SHANK1: variants seen among roughly 807,000 people sequenced by gnomAD.
SHANK1 encodes the protein SH3 and multiple ankyrin repeat domains 1.
In SHANK1, 35 loss-of-function variants were observed where a neutral mutation model predicts 165.6. The observed-to-expected ratio is 0.21, with a 90% CI of 0.16 to 0.28. SHANK1 has a LOEUF of 0.28. SHANK1 is among the 10% of genes least tolerant of loss of function. The probability of loss-of-function intolerance (pLI) is 1.00; values close to 1 mark genes in which losing one functional copy is unlikely to be tolerated. For missense variants in SHANK1, 2,681 were observed against 3,036.4 expected (o/e 0.88, Z 2.75); for synonymous variants, 1,428 against 1,384.8 (o/e 1.03, Z -0.69).
At chr19:50,710,762 C>G (rs537389296) in intron 8 of SHANK1, among the ~76,000 whole-genome samples, 1 of 152,218 alleles carries the variant, frequency 6.6e-6, no homozygotes, top group South Asian at 2.1e-4. Flanking sequence ...TCAGGGGCCA[C>G]GGGGGCTGCA....
rs747043906 is a variant in SHANK1, at chr19:50,716,324, A to G, written c.410T>C (p.Leu137Pro). Residue 137 changes from leucine to proline, a missense_variant, in exon 3 of 24, where the codon CTG (leucine) becomes CCG (proline). Physicochemically the swap from Leu to Pro is moderately conservative, Grantham distance 98. Around this residue, in one of 10 missense-constraint regions of SHANK1, gnomAD observed 189 missense variants for 440.9 expected, o/e 0.43. Transcript: ENST00000293441. The surrounding 1 kb of genome is among the most constrained non-coding windows in gnomAD (Gnocchi z 8.4). ...RDANFLEEERLLREYPQSFEK... is the reference protein window; with the variant it reads ...RDANFLEEERPLREYPQSFEK... ...AAAGGACTGGGGGTACTCCCGCAGC[A>G]GCCTCTCCTCCTCCAGGAAGTTGGC... is the stretch of plus-strand genomic sequence containing the variant. 1 of 1,614,198 alleles carries G rather than the reference A, an allele frequency of 6.2e-7. No individual in the cohort carries two copies. The highest frequency in any genetic ancestry group is 2.2e-5 in the East Asian group (1 of 44,870).
At chr19:50,680,344 G>A (rs964972360) in intron 21 of SHANK1, among the ~76,000 whole-genome samples, 4 of 152,094 alleles carry the variant, frequency 2.6e-5, no homozygotes, top group South Asian at 2.1e-4. Context: ...GCCCCAGGAG[G>A]GAACCCCAGA....
In SHANK1 at chr19:50,666,387, G is replaced by T. The variant is rs1309155122; in HGVS notation, c.5573C>A (p.Pro1858His). ...TACTGTGGCCAAGGCTGAGGCCTGA[G>T]GCTGGGCCAAGGGCCCGGGCAGAGG... ...PPPLPGPLAQ[P>H]QASALATVKA... The change falls in exon 23 of 24, where the codon CCT (proline) becomes CAT (histidine). Residue 1858 changes from proline (P) to histidine (H), a missense_variant. Transcript: ENST00000293441. 6.2e-7 allele frequency: 1 copy of T among 1,613,524 alleles called. No homozygotes were observed. Among genetic ancestry groups the T allele is most frequent in the South Asian group, 1.1e-5 (1 of 91,068 alleles).
Position 50,668,644 on chromosome 19 carries a change from G to A in SHANK1, c.3316C>T (p.Arg1106Cys), listed in dbSNP as rs1985665709. Reference protein sequence around the residue: ...MYVPARSGRGRKGPLVKQTKV... With the variant: ...MYVPARSGRGCKGPLVKQTKV... ...GTCTGCTTGACCAGCGGGCCCTTGC[G>A]GCCGCGGCCCGAGCGGGCGGGCACG... is the stretch of plus-strand genomic sequence containing the variant. Residue 1106 changes from arginine (R) to cysteine (C), a missense_variant, in exon 23 of 24, where the codon CGC becomes TGC. By Grantham distance (180) the Arg-to-Cys change is radical (BLOSUM62 -3). Transcript: ENST00000293441. 2.2e-6 allele frequency: 3 copies of A among 1,365,668 alleles called. No individual in the cohort carries two copies. Among genetic ancestry groups the A allele is most frequent in the African/African-American group, 1.5e-5 (1 of 65,462 alleles). The allele number at this position is 1,365,668 out of a possible 1,614,324, so 84.6% of individuals were successfully genotyped here.
intron 6 of SHANK1, among the ~76,000 whole-genome samples, chr19:50,712,379 C>G (rs1382591117): frequency 6.6e-6 from 1 of 152,244 alleles, no homozygotes; most frequent in South Asian, 2.1e-4. Context: ...CAGCCTTCCC[C>G]CTGGGGGCGA....
rs967714850 is a variant in SHANK1 at position 50,668,037 on chromosome 19, G to A, written c.3923C>T (p.Ala1308Val). 1.2e-5 allele frequency: 18 copies of A among 1,476,558 alleles called. No individual in the cohort carries two copies. The highest frequency in any genetic ancestry group is 1.5e-5 in the Non-Finnish European group (17 of 1,119,218). The allele number at this position is 1,476,558 out of a possible 1,614,324, so 91.5% of individuals were successfully genotyped here. Reference sequence around the variant, plus strand: ...ACCGGCCCCGTAGCCGCCGTAGCCCGCGCCGCTGCCCGCAGACTCCAGTCG... The same window carrying A: ...ACCGGCCCCGTAGCCGCCGTAGCCCACGCCGCTGCCCGCAGACTCCAGTCG... ...YLRLESAGSG[A>V]GYGGYGAGSR... is the part of the protein sequence containing the mutation. The change falls in exon 23 of 24, where the codon GCG becomes GTG. Residue 1308 changes from alanine (A) to valine (V), a missense_variant. This residue lies in a region of SHANK1 where 1,713 missense variants were observed against 1,630.2 expected (regional missense o/e 1.05). Transcript: ENST00000293441.
Position 50,709,201 on chromosome 19 carries a change from T to TGC in SHANK1, c.1077+2169_1077+2170insGC, listed in dbSNP as rs1332269835. 5.3e-5 allele frequency among the ~76,000 whole-genome samples: 8 copies of TGC among 152,332 alleles called. No homozygotes were observed. The East Asian group carries it at 1.5e-3, about 29-fold the overall frequency. ...TCACCCAGGCTGGAGTGCAGTGGCA[T>TGC]GATCTTGGCTCACTGCAAACTCCGC... is the stretch of plus-strand genomic sequence containing the variant. On this transcript the variant is annotated intron_variant, in intron 8 of 23. Transcript: ENST00000293441.
Position 50,662,821 on chromosome 19 carries a change from G to T in SHANK1, c.5769-139C>A. 1 of 886,958 alleles carries T rather than the reference G, an allele frequency of 1.1e-6. No individual in the cohort carries two copies. 54.9% of individuals were successfully genotyped at this position (886,958 alleles called of 1,614,324 possible). ...AGGGGGAGAGACGGAGGAGAGACGG[G>T]AAGAAATGGAGGGAGCAAGGGGTAA... On this transcript the variant is annotated intron_variant, in intron 23 of 23. Transcript: ENST00000293441. This position sits in a 1 kb window ranked among gnomAD's most constrained non-coding sequence, Gnocchi z 7.7.
chr19:50,688,831 G>A lies in SHANK1; in HGVS notation c.2172+13C>T, dbSNP rs1424074215. On this transcript the variant is annotated intron_variant, in intron 17 of 23. Coordinates refer to ENST00000293441, the MANE Select transcript of SHANK1 (RefSeq NM_016148.5). The surrounding 1 kb of genome is among the most constrained non-coding windows in gnomAD (Gnocchi z 6.7). The stretch of plus-strand genomic sequence containing the variant: ...TCACAGGGTCCCAGGGAAGAGAGGG[G>A]GCCTGGACTGACCTCGATGAGGAAG... 1.2e-6 allele frequency: 2 copies of A among 1,607,494 alleles called. No homozygotes were observed. Among genetic ancestry groups the A allele is most frequent in the African/African-American group, 2.7e-5 (2 of 74,946 alleles).
rs1178527132 is a variant in SHANK1, at chr19:50,702,907, G to A, written c.1554-247C>T. 6.6e-6 allele frequency among the ~76,000 whole-genome samples: 1 copy of A among 152,016 alleles called. No homozygotes were observed. On this transcript the variant is annotated intron_variant, in intron 11 of 23. Coordinates refer to ENST00000293441, the MANE Select transcript of SHANK1 (RefSeq NM_016148.5). The surrounding 1 kb of genome is among the most constrained non-coding windows in gnomAD (Gnocchi z 5.3). ...CCCCTCCCACGGTCCTGCGCGCACC[G>A]CCTGATTCAGCTTCCTGAGGCTGAG...
At chr19:50,709,542 GCTGT>G (rs1418525224) in intron 8 of SHANK1, among the ~76,000 whole-genome samples, 1 of 151,484 alleles carries the variant, frequency 6.6e-6, no homozygotes, top group African/African-American at 2.4e-5. Flanking sequence ...AACTCTGCCT[GCTGT>G]CTAATTCTAA....
rs1986428396 is a variant in SHANK1 at position 50,688,369 on chromosome 19, G to C, written c.2173-311C>G. ...GGTCTCTCTCTGTCACCCAGGTTGGGGTGCAGTGGCCCAATCATGGCTCAC... is the reference window on the plus strand; with the variant it reads ...GGTCTCTCTCTGTCACCCAGGTTGGCGTGCAGTGGCCCAATCATGGCTCAC... On this transcript the variant is annotated intron_variant, in intron 17 of 23. Coordinates refer to ENST00000293441, the MANE Select transcript of SHANK1 (RefSeq NM_016148.5). The surrounding 1 kb of genome is among the most constrained non-coding windows in gnomAD (Gnocchi z 6.7). Among the ~76,000 whole-genome samples the C allele has an allele frequency of 6.6e-6, 1 of 151,870 alleles. No individual in the cohort carries two copies. Among genetic ancestry groups the C allele is most frequent in the Non-Finnish European group, 1.5e-5 (1 of 67,964 alleles).
chr19:50,710,159 G>T (rs1599871586), intron 8 of SHANK1, among the ~76,000 whole-genome samples: 1 of 152,328 alleles, frequency 6.6e-6, no homozygotes, highest in East Asian at 1.9e-4. Flanking sequence ...CAGAGGATTG[G>T]TTGTGAGGCC....
At chr19:50,714,091 C>T (rs567587624) in intron 5 of SHANK1, 91 bp downstream of exon 5, 156 of 1,524,600 alleles carry the variant, frequency 1.0e-4, no homozygotes, top group Non-Finnish European at 1.2e-4. Flanking sequence ...TTGGGAGACA[C>T]CAGTCAGGAA....
chr19:50,709,369 C>T lies in SHANK1; in HGVS notation c.1077+2002G>A, dbSNP rs1480834932. ...TGTTAGCCAGGATGGTCTCAATCTCCTGACCTAGTGATCCGCCCGCCTCGG... is the reference window on the plus strand; with the variant it reads ...TGTTAGCCAGGATGGTCTCAATCTCTTGACCTAGTGATCCGCCCGCCTCGG... On this transcript the variant is annotated intron_variant, in intron 8 of 23. Transcript: ENST00000293441. 3.9e-5 allele frequency among the ~76,000 whole-genome samples: 6 copies of T among 152,140 alleles called. No individual in the cohort carries two copies. In the East Asian group the frequency reaches 5.8e-4, roughly 15 times the overall value.
Position 50,688,760 on chromosome 19 carries a change from G to A in SHANK1, c.2172+84C>T. The A allele has an allele frequency of 2.1e-6, 3 of 1,423,678 alleles. No individual in the cohort carries two copies. Among genetic ancestry groups the A allele is most frequent in the Non-Finnish European group, 2.9e-6 (3 of 1,047,694 alleles). The allele number at this position is 1,423,678 out of a possible 1,614,324, so 88.2% of individuals were successfully genotyped here. On this transcript the variant is annotated intron_variant, in intron 17 of 23. Transcript: ENST00000293441. The surrounding 1 kb of genome is among the most constrained non-coding windows in gnomAD (Gnocchi z 6.7). ...CCTGGTGCCAAAGGAGAATAAAACT[G>A]GGCAGCCAGATCCTGGTGTGAATCA...
chr19:50,668,313 G>A lies in SHANK1; in HGVS notation c.3647C>T (p.Thr1216Ile). The stretch of plus-strand genomic sequence containing the variant: ...GGCCGGGCCGCTGGGCGAGGCGGGG[G>A]TGGGCACGGGCGAGGGGGACGGGGG... ...PVPPSPSPVP[T>I]PASPSGPATL... Residue 1216 changes from threonine to isoleucine, a missense_variant, in exon 23 of 24, where the codon ACC becomes ATC. Thr to Ile is a moderately conservative substitution (Grantham distance 89, BLOSUM62 -1). Transcript: ENST00000293441. 4 of 1,284,050 alleles carry A rather than the reference G, an allele frequency of 3.1e-6. No homozygotes were observed. Among genetic ancestry groups the A allele is most frequent in the South Asian group, 2.6e-5 (1 of 38,506 alleles). 79.5% of individuals were successfully genotyped at this position (1,284,050 alleles called of 1,614,324 possible).
intron 21 of SHANK1, among the ~76,000 whole-genome samples, chr19:50,678,738 G>A (rs1346200551): frequency 1.7e-5 from 2 of 116,108 alleles, no homozygotes; most frequent in South Asian, 3.2e-4. Context: ...AAGGGAAAAC[G>A]GAGGGGTCAG....
In SHANK1 at chr19:50,714,428, C is replaced by T. The variant is rs1474881783; in HGVS notation, c.532-138G>A. The T allele has an allele frequency of 4.1e-6, 3 of 727,990 alleles. No homozygotes were observed. In the African/African-American group the frequency reaches 5.3e-5, roughly 13 times the overall value. 45.1% of individuals were successfully genotyped at this position (727,990 alleles called of 1,614,324 possible). A position where few individuals can be genotyped will look rare whatever the true frequency, so the allele number is the denominator to read the frequency against. ...GAAAAGCTTCTAGCAGCCTCCTTTACAGAGAAAATACCCAGCCCTTTGGGA... is the reference window on the plus strand; with the variant it reads ...GAAAAGCTTCTAGCAGCCTCCTTTATAGAGAAAATACCCAGCCCTTTGGGA... On this transcript the variant is annotated intron_variant, in intron 4 of 23. Transcript: ENST00000293441.
Sources: gnomAD v4.1 joint callset for allele counts (sites outside exome capture counted in the v4.1 genomes callset) on GRCh38, gnomAD v4.1.1 for gene constraint, gnomAD v4.1.1 regional missense constraint, Gnocchi (gnomAD v3.1) non-coding constraint, MANE v1.5 for transcripts, NCBI Gene and HGNC (gene_info 2026-07-23, HGNC 2026-07-21) for gene names.